DCC: variants seen among roughly 807,000 people sequenced by gnomAD.
The protein encoded by DCC is DCC netrin 1 receptor, also known as netrin receptor DCC.
A neutral mutation model predicts 172.5 loss-of-function variants in DCC; 58 were observed. That is an observed-to-expected ratio of 0.34 (90% CI 0.27 to 0.42). The LOEUF is 0.42. Ranked by LOEUF, DCC falls within the 10% of genes least tolerant of loss-of-function variation. The pLI, the probability that DCC is intolerant of heterozygous loss-of-function variation, is 1.00. For synonymous variants in DCC, 709 were observed against 644.5 expected (o/e 1.10, Z -1.52); for missense variants, 1,740 against 1,791.0 (o/e 0.97, Z 0.51).
At chr18:53,476,566 C>T (rs1224196133) in intron 25 of DCC, among the ~76,000 whole-genome samples, 2 of 152,160 alleles carry the variant, frequency 1.3e-5, no homozygotes, top group Non-Finnish European at 2.9e-5. Flanking sequence ...GATTGTGAGG[C>T]CTTCCCAGCC....
chr18:52,466,259 G>A (rs1988781602), intron 1 of DCC, among the ~76,000 whole-genome samples: 1 of 152,180 alleles, frequency 6.6e-6, no homozygotes, highest in African/African-American at 2.4e-5. Context: ...GGGCCACGAA[G>A]ACACTGGAAA....
chr18:53,475,629 G>T (rs1032960112), intron 25 of DCC, among the ~76,000 whole-genome samples: 2 of 152,358 alleles, frequency 1.3e-5, no homozygotes, highest in Middle Eastern at 3.4e-3. Flanking sequence ...GGATTTCAGA[G>T]GATATATGGA....
At chr18:52,351,579 C>A (rs996376295) in intron 1 of DCC, among the ~76,000 whole-genome samples, 1 of 152,070 alleles carries the variant, frequency 6.6e-6, no homozygotes, top group African/African-American at 2.4e-5. Context: ...TATCAATTAA[C>A]TTGGTAATAA....
chr18:52,458,112 G>C (rs1257074603), intron 1 of DCC, among the ~76,000 whole-genome samples: 1 of 152,062 alleles, frequency 6.6e-6, no homozygotes, highest in Non-Finnish European at 1.5e-5. Context: ...TGATGTCCTT[G>C]GTGGTCCAAA....
intron 7 of DCC, among the ~76,000 whole-genome samples, chr18:53,098,549 AT>A (rs1192607564): frequency 1.3e-5 from 2 of 152,162 alleles, no homozygotes; most frequent in South Asian, 4.1e-4. Context: ...TAAGTTATGC[AT>A]TTTGAGTTGG....
At chr18:52,853,787 C>A (rs1404579594) in intron 2 of DCC, among the ~76,000 whole-genome samples, 1 of 152,166 alleles carries the variant, frequency 6.6e-6, no homozygotes, top group Non-Finnish European at 1.5e-5. Context: ...GTAGAGATAA[C>A]CCAACATGCA....
In DCC at chr18:53,532,089, T is replaced by C. The variant is rs775239721; in HGVS notation, c.*1436T>C. On this transcript the variant is annotated 3_prime_UTR_variant, in exon 29 of 29. Coordinates refer to ENST00000442544, the MANE Select transcript of DCC (RefSeq NM_005215.4). Reference sequence around the variant, plus strand: ...CGCCAAAAGGGAGCTAGTTTGCATATTTATCAGTTAGGTGACTTGAAAACC... The same window carrying C: ...CGCCAAAAGGGAGCTAGTTTGCATACTTATCAGTTAGGTGACTTGAAAACC... 7 of 152,200 alleles carry C rather than the reference T, an allele frequency of 4.6e-5. No homozygotes were observed. The highest frequency in any genetic ancestry group is 8.8e-5 in the Non-Finnish European group (6 of 68,032). The allele number at this position is 152,200 out of a possible 1,614,324, so 9.4% of individuals were successfully genotyped here. A position where few individuals can be genotyped will look rare whatever the true frequency, so the allele number is the denominator to read the frequency against.
At chr18:52,578,615 G>A (rs2033471629) in intron 1 of DCC, among the ~76,000 whole-genome samples, 1 of 152,038 alleles carries the variant, frequency 6.6e-6, no homozygotes, top group Admixed American at 6.5e-5. Flanking sequence ...TTCTTTCAAT[G>A]AAGTTTTATT....
chr18:53,055,351 G>A (rs568875241), intron 5 of DCC, among the ~76,000 whole-genome samples: 1 of 152,226 alleles, frequency 6.6e-6, no homozygotes, highest in Admixed American at 6.6e-5. Context: ...GCTTACACCT[G>A]TGTCAGGAAA....
intron 1 of DCC, among the ~76,000 whole-genome samples, chr18:52,521,297 A>G (rs996458688): frequency 6.6e-6 from 1 of 152,220 alleles, no homozygotes; most frequent in African/African-American, 2.4e-5. Context: ...TTTGAGGTTC[A>G]CATTTAAACT....
At chr18:52,795,322 G>A (rs1013948449) in intron 2 of DCC, among the ~76,000 whole-genome samples, 1 of 151,180 alleles carries the variant, frequency 6.6e-6, no homozygotes, top group Non-Finnish European at 1.5e-5. Context: ...TAATTTGTTA[G>A]GTTTTCTATT....
At chr18:52,791,837 C>A (rs917503955) in intron 2 of DCC, among the ~76,000 whole-genome samples, 1 of 151,922 alleles carries the variant, frequency 6.6e-6, no homozygotes, top group African/African-American at 2.4e-5. Context: ...CTTAAAATAC[C>A]CTTACTAATT....
intron 12 of DCC, among the ~76,000 whole-genome samples, chr18:53,274,960 A>G (rs2056789262): frequency 2.0e-5 from 3 of 152,158 alleles, no homozygotes; most frequent in Non-Finnish European, 1.5e-5. Flanking sequence ...TGGGTAGGGC[A>G]TATGTATTTG....
At chr18:52,676,099 CA>C (rs2035642938) in intron 1 of DCC, among the ~76,000 whole-genome samples, 1 of 152,178 alleles carries the variant, frequency 6.6e-6, no homozygotes, top group African/African-American at 2.4e-5. Flanking sequence ...TTTAGCAAAA[CA>C]AGCTAGATGT....
rs113919504 is a variant in DCC at position 53,129,253 on chromosome 18, T to C, written c.1262-28103T>C. Among the ~76,000 whole-genome samples the C allele has an allele frequency of 9.0e-3, 1,375 of 152,204 alleles. 22 individuals carry two copies. Among genetic ancestry groups the C allele is most frequent in the African/African-American group, 0.031 (1,286 of 41,536 alleles). ...AGATGTTATCTATTGATTTCTATTATGGAAGGTGAATATTTTAAGTTTTCT... is the reference window on the plus strand; with the variant it reads ...AGATGTTATCTATTGATTTCTATTACGGAAGGTGAATATTTTAAGTTTTCT... On this transcript the variant is annotated intron_variant, in intron 7 of 28. Coordinates refer to ENST00000442544, the MANE Select transcript of DCC (RefSeq NM_005215.4).
chr18:53,223,417 T>C (rs2055974239), intron 12 of DCC, among the ~76,000 whole-genome samples: 2 of 152,138 alleles, frequency 1.3e-5, no homozygotes, highest in African/African-American at 4.8e-5. Flanking sequence ...CACACATTTC[T>C]AATGGCTCCA....
At chr18:53,511,702 C>G (rs575573390) in intron 27 of DCC, among the ~76,000 whole-genome samples, 4 of 152,158 alleles carry the variant, frequency 2.6e-5, no homozygotes, top group South Asian at 2.1e-4. Context: ...GGGTGACGGA[C>G]GGCACCTGGA....
rs112924452 is a variant in DCC, at chr18:52,455,787, C to T, written c.91+114909C>T. On this transcript the variant is annotated intron_variant, in intron 1 of 28. Transcript: ENST00000442544. Reference sequence around the variant, plus strand: ...CCAAATATAGCAAGTACTGTGTATCCGAGGTACTAAAAACAGTGCTTGGTG... The same window carrying T: ...CCAAATATAGCAAGTACTGTGTATCTGAGGTACTAAAAACAGTGCTTGGTG... 5.7e-3 allele frequency among the ~76,000 whole-genome samples: 871 copies of T among 152,142 alleles called. 10 individuals carry two copies. Among genetic ancestry groups the T allele is most frequent in the African/African-American group, 0.02 (833 of 41,500 alleles).
chr18:52,919,095 G>C (rs535274969), intron 3 of DCC, among the ~76,000 whole-genome samples: 1 of 152,278 alleles, frequency 6.6e-6, no homozygotes, highest in East Asian at 1.9e-4. Context: ...TGTTGACTGA[G>C]TGCCTCAGTT....
Sources: allele counts gnomAD v4.1 joint callset (sites outside exome capture counted in the v4.1 genomes callset), GRCh38; gene constraint gnomAD v4.1.1; transcripts MANE v1.5; gene names NCBI Gene and HGNC (gene_info 2026-07-23, HGNC 2026-07-21).